The following C14orf93 variants were observed in gnomAD, a reference collection of about 807,000 sequenced individuals.
C14orf93 encodes the protein uncharacterized protein C14orf93.
Under a neutral mutation model 44.0 loss-of-function variants are expected in C14orf93, and 23 were observed. That is an observed-to-expected ratio of 0.52 (90% CI 0.38 to 0.74). The LOEUF is 0.74. Among genes scored for constraint, C14orf93 ranks in the 30% least tolerant of loss-of-function variants. The pLI is 0.00. For missense variants in C14orf93, 579 were observed against 678.9 expected, an observed-to-expected ratio of 0.85 and a Z score of 1.64; for synonymous variants, 253 against 265.7, an observed-to-expected ratio of 0.95 and a Z score of 0.46.
chr14:23,004,180 T>A (rs1225676193), intron 1 of C14orf93, among the ~76,000 whole-genome samples: 1 of 149,354 alleles, frequency 6.7e-6, no homozygotes, highest in Non-Finnish European at 1.5e-5. Context: ...AGTGCTGAGA[T>A]TACAGGCGTG....
At chr14:23,009,225 T>C (rs1393207408) in intron 1 of C14orf93, among the ~76,000 whole-genome samples, 1 of 152,166 alleles carries the variant, frequency 6.6e-6, no homozygotes, top group African/African-American at 2.4e-5. Context: ...AGCAGAAAAA[T>C]ATAGTAAATG....
intron 3 of C14orf93, among the ~76,000 whole-genome samples, chr14:22,992,597 A>T: frequency 6.7e-6 from 1 of 149,958 alleles, no homozygotes; most frequent in African/African-American, 2.4e-5. Context: ...TATTTTTTTG[A>T]GATGGAGTCT....
chr14:23,002,825 T>TCACAGGTG (rs2046381044), intron 1 of C14orf93: 3 of 152,116 alleles, frequency 2.0e-5, no homozygotes, highest in Non-Finnish European at 1.5e-5. Flanking sequence ...GTAGCTGGGA[T>TCACAGGTG]CACAGGTGCG....
At chr14:22,991,037 C>T (rs1483017911) in intron 3 of C14orf93, among the ~76,000 whole-genome samples, 1 of 151,348 alleles carries the variant, frequency 6.6e-6, no homozygotes, top group Non-Finnish European at 1.5e-5. Context: ...CCAGGATGGT[C>T]ACAATCTCCT....
intron 3 of C14orf93, chr14:22,994,078 G>T (rs2045821933): frequency 6.6e-6 from 1 of 152,246 alleles, no homozygotes; most frequent in Non-Finnish European, 1.5e-5. Context: ...CTCTCCTAAG[G>T]GAAGGAAGAA....
intron 2 of C14orf93, among the ~76,000 whole-genome samples, chr14:22,997,818 AC>A (rs1266140825): frequency 1.3e-5 from 2 of 150,692 alleles, no homozygotes; most frequent in African/African-American, 4.9e-5. Flanking sequence ...CCCTCGCCTT[AC>A]CTCATAGTCT....
chr14:22,998,573 C>T lies in C14orf93; in HGVS notation c.451G>A (p.Gly151Ser), dbSNP rs752534226. The T allele has an allele frequency of 2.4e-5, 39 of 1,614,136 alleles. 2 individuals are homozygous for T. In the South Asian group the frequency reaches 2.5e-4, roughly 10 times the overall value. Reference protein sequence around the residue: ...VEEECDSVGSGVQVVIEELRQ... With the variant: ...VEEECDSVGSSVQVVIEELRQ... ...AGCTCCTCAATCACCACCTGCACGC[C>T]GCTGCCCACGCTGTCACACTCCTCT... is the stretch of plus-strand genomic sequence containing the variant. The change falls in exon 2 of 7, where the codon GGC (glycine) becomes AGC (serine). Residue 151 changes from glycine to serine, a missense_variant. Transcript: ENST00000299088.
At chr14:23,002,432 A>T (rs930915210) in intron 1 of C14orf93, among the ~76,000 whole-genome samples, 2 of 142,482 alleles carry the variant, frequency 1.4e-5, no homozygotes, top group Admixed American at 1.4e-4. Flanking sequence ...AGACTGGGTG[A>T]TGGAACGAGA....
chr14:22,988,052 T>A, intron 5 of C14orf93, 37 bp from the exon 6 acceptor site: 1 of 1,456,434 alleles, frequency 6.9e-7, no homozygotes, highest in Non-Finnish European at 9.6e-7. Context: ...AGAAGGAGGG[T>A]CCTCTGAGTA....
rs781681124 is a variant in C14orf93, at chr14:22,998,716, C to T, written c.308G>A (p.Gly103Glu). 5 of 1,614,230 alleles carry T rather than the reference C, an allele frequency of 3.1e-6. 1 individual carries two copies. The highest frequency in any genetic ancestry group is 4.2e-6 in the Non-Finnish European group (5 of 1,180,034). Residue 103 changes from glycine (G) to glutamate (E), a missense_variant, in exon 2 of 7, where the codon GGG becomes GAG. By Grantham distance (98) the Gly-to-Glu change is moderately conservative. Transcript: ENST00000299088. ...LQEEVGDLRQ[G>E]KVSIPDEDGE... ...ATCTTCATCAGGGATGGACACTTTCCCTTGCCTCAGGTCACCCACTTCCTC... is the reference window on the plus strand; with the variant it reads ...ATCTTCATCAGGGATGGACACTTTCTCTTGCCTCAGGTCACCCACTTCCTC...
At chr14:23,001,061 C>T (rs1370621018) in intron 1 of C14orf93, 10 of 152,152 alleles carry the variant, frequency 6.6e-5, no homozygotes, top group Admixed American at 2.0e-4. Flanking sequence ...CAAATTAAAA[C>T]TAAAGGTTAA....
chr14:23,007,916 G>A (rs1374144166), intron 1 of C14orf93, among the ~76,000 whole-genome samples: 3 of 152,120 alleles, frequency 2.0e-5, no homozygotes, highest in Admixed American at 1.3e-4. Context: ...ACTTTGAGAG[G>A]CAGAGGCGGG....
intron 1 of C14orf93, among the ~76,000 whole-genome samples, chr14:23,001,490 A>C (rs950460239): frequency 1.3e-5 from 2 of 152,118 alleles, no homozygotes; most frequent in African/African-American, 4.8e-5. Flanking sequence ...TTTGAGACGG[A>C]GTCTCGCTCT....
At chr14:23,006,558 C>A (rs986540447) in intron 1 of C14orf93, 2 of 152,174 alleles carry the variant, frequency 1.3e-5, no homozygotes, top group African/African-American at 2.4e-5. Flanking sequence ...ATTAATATTT[C>A]CGATTTCAGG....
rs377062302 is a variant in C14orf93 at position 22,996,086 on chromosome 14, C to T, written c.780G>A (p.Ala260=). ...CTGACTCTTCCAAGGCACTGTCCAG[C>T]GCAGCAGCGGCATTGAGCATGTCCT... is the stretch of plus-strand genomic sequence containing the variant. ...RPEDMLNAAA[A]LDSALEESGP... The change falls in exon 3 of 7, where the codon GCG becomes GCA. Residue 260 remains alanine, a synonymous_variant. Coordinates refer to ENST00000299088, the MANE Select transcript of C14orf93 (RefSeq NM_021944.4). The surrounding 1 kb of genome is among the most constrained non-coding windows in gnomAD (Gnocchi z 4.1). 7.9e-5 allele frequency: 127 copies of T among 1,613,992 alleles called. No individual in the cohort carries two copies. Among genetic ancestry groups the T allele is most frequent in the African/African-American group, 1.1e-4 (8 of 74,896 alleles).
intron 1 of C14orf93, chr14:23,005,640 A>G (rs2046586789): frequency 6.6e-6 from 1 of 151,586 alleles, no homozygotes; most frequent in South Asian, 2.1e-4. Context: ...CCAACACAAC[A>G]TGACAGTAGA....
chr14:22,987,519 C>CCTGG lies in C14orf93; in HGVS notation c.1309_1312dup (p.Gly438AlafsTer26). On this transcript the variant is annotated frameshift_variant, in exon 7 of 7. Transcript: ENST00000299088. LOFTEE classifies it high-confidence loss of function. The surrounding 1 kb of genome is among the most constrained non-coding windows in gnomAD (Gnocchi z 5.6). ...ACGGGGAGGGCGGGCCACCCACACA[C>CCTGG]CTGGCTCGTTAAGACTGTCCTCTTC... 1 of 1,614,246 alleles carries CCTGG rather than the reference C, an allele frequency of 6.2e-7. No individual in the cohort carries two copies.
chr14:23,005,766 T>C (rs2046591774), intron 1 of C14orf93: 3 of 152,192 alleles, frequency 2.0e-5, no homozygotes, highest in African/African-American at 7.2e-5. Context: ...TTTTGGTATT[T>C]TTCATAAATA....
At position 22,996,987 on chromosome 14, in the gene C14orf93, A is replaced by G. The variant is rs1004040057; in HGVS notation, c.598-719T>C. The stretch of plus-strand genomic sequence containing the variant: ...AGTGGGGACACACACGCACACGCAC[A>G]CACACACACACACACACACACACAG... On this transcript the variant is annotated intron_variant, in intron 2 of 6. Transcript: ENST00000299088. The surrounding 1 kb of genome is among the most constrained non-coding windows in gnomAD (Gnocchi z 4.1). 1.2e-4 allele frequency among the ~76,000 whole-genome samples: 6 copies of G among 50,220 alleles called. No homozygotes were observed. The highest frequency in any genetic ancestry group is 2.1e-4 in the African/African-American group (2 of 9,534). 32.9% of individuals were successfully genotyped at this position (50,220 alleles called of 152,430 possible). A position where few individuals can be genotyped will look rare whatever the true frequency, so the allele number is the denominator to read the frequency against.
Sources: gnomAD v4.1 joint callset for allele counts (sites outside exome capture counted in the v4.1 genomes callset) on GRCh38, gnomAD v4.1.1 for gene constraint, Gnocchi (gnomAD v3.1) non-coding constraint, MANE v1.5 for transcripts, NCBI Gene and HGNC (gene_info 2026-07-23, HGNC 2026-07-21) for gene names.